Variants in LRRC4C observed in about 807,000 individuals in gnomAD.
The protein encoded by LRRC4C is leucine-rich repeat-containing protein 4C.
LRRC4C carries 5 observed loss-of-function variants against 33.6 expected under a neutral mutation model. The ratio of observed to expected loss-of-function variants is 0.15; its 90% CI spans 0.08 to 0.31. The LOEUF is 0.31. LRRC4C is among the 10% of genes least tolerant of loss of function. The probability of loss-of-function intolerance (pLI) is 1.00; values close to 1 mark genes in which losing one functional copy is unlikely to be tolerated. For missense variants in LRRC4C, 560 were observed against 796.7 expected (o/e 0.70, Z 3.58); for synonymous variants, 329 against 302.0 (o/e 1.09, Z -0.93).
intron 2 of LRRC4C, among the ~76,000 whole-genome samples, chr11:40,836,548 A>T (rs1425362351): frequency 6.6e-6 from 1 of 152,186 alleles, no homozygotes; most frequent in Non-Finnish European, 1.5e-5. Context: ...TCTCCTAGTA[A>T]GATAGAAATC....
At chr11:40,473,685 A>G (rs1031129101) in intron 3 of LRRC4C, among the ~76,000 whole-genome samples, 2 of 152,204 alleles carry the variant, frequency 1.3e-5, no homozygotes, top group African/African-American at 4.8e-5. Flanking sequence ...AGATGACATG[A>G]TGGTATATTT....
intron 3 of LRRC4C, among the ~76,000 whole-genome samples, chr11:40,376,224 C>G (rs1358878552): frequency 6.6e-6 from 1 of 152,088 alleles, no homozygotes; most frequent in Non-Finnish European, 1.5e-5. Flanking sequence ...AATACAATAT[C>G]CACTCATGAT....
intron 4 of LRRC4C, among the ~76,000 whole-genome samples, chr11:40,280,521 A>G (rs1230313047): frequency 6.6e-6 from 1 of 152,134 alleles, no homozygotes; most frequent in Non-Finnish European, 1.5e-5. Context: ...CCTCTCACTC[A>G]TCTTCCCTTG....
At chr11:41,170,250 A>G (rs1422756748) in intron 1 of LRRC4C, among the ~76,000 whole-genome samples, 5 of 152,196 alleles carry the variant, frequency 3.3e-5, no homozygotes. Flanking sequence ...ATTGGAAAAA[A>G]CTACTTTAAA....
At chr11:40,558,327 C>G (rs550140749) in intron 3 of LRRC4C, among the ~76,000 whole-genome samples, 1 of 152,236 alleles carries the variant, frequency 6.6e-6, no homozygotes, top group East Asian at 1.9e-4. Context: ...ATCTGATCAG[C>G]GTAGGGATAC....
chr11:41,314,475 C>A (rs1041168237), intron 1 of LRRC4C, among the ~76,000 whole-genome samples: 1 of 152,064 alleles, frequency 6.6e-6, no homozygotes, highest in Admixed American at 6.6e-5. Context: ...AATAATAATG[C>A]TTTTTGGTAC....
intron 1 of LRRC4C, among the ~76,000 whole-genome samples, chr11:41,356,411 A>G (rs1367637834): frequency 6.6e-6 from 1 of 152,140 alleles, no homozygotes; most frequent in South Asian, 2.1e-4. Context: ...CTGACTATAG[A>G]CCAGGACTAA....
chr11:41,020,608 G>T (rs985273381), intron 1 of LRRC4C, among the ~76,000 whole-genome samples: 1 of 152,104 alleles, frequency 6.6e-6, no homozygotes, highest in African/African-American at 2.4e-5. Flanking sequence ...GCCCCCCAAA[G>T]CTAGGAGCAA....
At chr11:41,011,602 T>C (rs575880681) in intron 1 of LRRC4C, among the ~76,000 whole-genome samples, 2 of 151,970 alleles carry the variant, frequency 1.3e-5, no homozygotes, top group South Asian at 4.1e-4. Flanking sequence ...ATTATAGAAA[T>C]ATTATGCAAC....
Position 40,341,567 on chromosome 11 carries a change from T to G in LRRC4C, c.-269-21846A>C, listed in dbSNP as rs190873311. Among the ~76,000 whole-genome samples, 73 of 152,108 alleles carry G rather than the reference T, an allele frequency of 4.8e-4. 2 individuals are homozygous for G. Among genetic ancestry groups the G allele is most frequent in the African/African-American group, 1.7e-3 (69 of 41,504 alleles). ...TGGGAGGGAGGGGGAGGGATAGCATTAGGAGATATACCTAATGTTAAATGA... is the reference window on the plus strand; with the variant it reads ...TGGGAGGGAGGGGGAGGGATAGCATGAGGAGATATACCTAATGTTAAATGA... On this transcript the variant is annotated intron_variant, in intron 3 of 6. Coordinates refer to ENST00000528697, the MANE Select transcript of LRRC4C (RefSeq NM_001258419.2).
At chr11:40,866,862 G>A (rs1954393475) in intron 2 of LRRC4C, among the ~76,000 whole-genome samples, 1 of 152,056 alleles carries the variant, frequency 6.6e-6, no homozygotes, top group African/African-American at 2.4e-5. Flanking sequence ...TCTCCATCCT[G>A]TAGCCTCACA....
chr11:40,692,161 C>T (rs1241327563), intron 2 of LRRC4C, among the ~76,000 whole-genome samples: 2 of 152,006 alleles, frequency 1.3e-5, no homozygotes, highest in African/African-American at 4.8e-5. Flanking sequence ...AGAAAATGAA[C>T]CCGAGAGAGA....
intron 1 of LRRC4C, among the ~76,000 whole-genome samples, chr11:40,950,863 T>C (rs1378817949): frequency 6.6e-6 from 1 of 151,862 alleles, no homozygotes; most frequent in Non-Finnish European, 1.5e-5. Flanking sequence ...TCCTGGTATA[T>C]GTAATTTTCC....
At chr11:41,116,754 C>A (rs1942152295) in intron 1 of LRRC4C, among the ~76,000 whole-genome samples, 1 of 151,960 alleles carries the variant, frequency 6.6e-6, no homozygotes, top group Admixed American at 6.6e-5. Flanking sequence ...AACTCTACCC[C>A]CAGGAATTTA....
At chr11:40,852,645 A>C (rs952330643) in intron 2 of LRRC4C, among the ~76,000 whole-genome samples, 1 of 152,182 alleles carries the variant, frequency 6.6e-6, no homozygotes, top group Non-Finnish European at 1.5e-5. Context: ...AATTTACTTA[A>C]AGGGAATGAA....
chr11:40,153,104 C>A (rs1248009057), intron 5 of LRRC4C, among the ~76,000 whole-genome samples: 1 of 152,172 alleles, frequency 6.6e-6, no homozygotes, highest in African/African-American at 2.4e-5. Context: ...ATAGACAGTT[C>A]ACATCACAGG....
intron 3 of LRRC4C, among the ~76,000 whole-genome samples, chr11:40,498,030 C>CA (rs1218459558): frequency 3.9e-5 from 6 of 152,114 alleles, no homozygotes; most frequent in African/African-American, 7.2e-5. Context: ...AATCGACTTA[C>CA]AAAAAATATT....
At chr11:40,767,721 C>A (rs920588300) in intron 2 of LRRC4C, among the ~76,000 whole-genome samples, 3 of 151,556 alleles carry the variant, frequency 2.0e-5, no homozygotes, top group African/African-American at 7.3e-5. Context: ...CCTAAATGAC[C>A]AATAAGTCAA....
intron 5 of LRRC4C, among the ~76,000 whole-genome samples, chr11:40,222,357 C>T (rs1864483045): frequency 6.6e-6 from 1 of 152,098 alleles, no homozygotes. Context: ...AATGCCCTGG[C>T]ACATTAAAAA....
Sources: gnomAD v4.1 joint callset for allele counts (sites outside exome capture counted in the v4.1 genomes callset) on GRCh38, gnomAD v4.1.1 for gene constraint, MANE v1.5 for transcripts, NCBI Gene and HGNC (gene_info 2026-07-23, HGNC 2026-07-21) for gene names.